Variants in ELAVL2 observed in about 807,000 individuals in gnomAD.
The protein encoded by ELAVL2 is ELAV like RNA binding protein 2, also known as ELAV-like protein 2.
In ELAVL2, 4 loss-of-function variants were observed where a neutral mutation model predicts 34.6. That is an observed-to-expected ratio of 0.12 (90% CI 0.06 to 0.26). ELAVL2 has a LOEUF of 0.26. Among genes scored for constraint, ELAVL2 ranks in the 10% least tolerant of loss-of-function variants. The pLI is 1.00. For synonymous variants in ELAVL2, 193 were observed against 154.8 expected, an observed-to-expected ratio of 1.25 and a Z score of -1.83; for missense variants, 432 against 442.8, an observed-to-expected ratio of 0.98 and a Z score of 0.22.
intron 1 of ELAVL2, among the ~76,000 whole-genome samples, chr9:23,799,168 T>C (rs1213092750): frequency 1.3e-5 from 2 of 152,174 alleles, no homozygotes; most frequent in African/African-American, 4.8e-5. Flanking sequence ...TTAAAATTTT[T>C]TTCCATCTCT....
chr9:23,777,443 T>C (rs1273876720), intron 1 of ELAVL2, among the ~76,000 whole-genome samples: 2 of 152,074 alleles, frequency 1.3e-5, no homozygotes, highest in Admixed American at 6.6e-5. Context: ...ATAAGGGAAA[T>C]AGATGGTTTA....
chr9:23,826,342 C>G (rs1201337203), upstream of ELAVL2: 1 of 152,452 alleles, frequency 6.6e-6, no homozygotes, highest in Admixed American at 6.5e-5. Flanking sequence ...AGGCTCCTAT[C>G]CCGGGCAGCA....
intron 1 of ELAVL2, chr9:23,821,910 T>TCGCGGCGC (rs1350990456): frequency 1.3e-5 from 2 of 150,942 alleles, no homozygotes; most frequent in Admixed American, 6.6e-5. Flanking sequence ...GGCGGCGAGT[T>TCGCGGCGC]CGCGGCGCCG....
In ELAVL2 at chr9:23,692,811, A is replaced by G; in HGVS notation, c.826T>C (p.Trp276Arg). The G allele has an allele frequency of 6.2e-7, 1 of 1,614,124 alleles. No homozygotes were observed. Among genetic ancestry groups the G allele is most frequent in the Non-Finnish European group, 8.5e-7 (1 of 1,179,994 alleles). ...GCCAGGTTGTACACAAATATACACC[A>G]CCCTGTTCCAGGGTGCCCAGGGATA... ...INIPGHPGTGWCIFVYNLAPD... is the reference protein window; with the variant it reads ...INIPGHPGTGRCIFVYNLAPD... The change falls in exon 7 of 7, where the codon TGG becomes CGG. Residue 276 changes from tryptophan (W) to arginine (R), a missense_variant. Coordinates refer to ENST00000397312, the MANE Select transcript of ELAVL2 (RefSeq NM_004432.5).
chr9:23,788,372 A>G (rs1217148167), intron 1 of ELAVL2, among the ~76,000 whole-genome samples: 1 of 152,190 alleles, frequency 6.6e-6, no homozygotes, highest in African/African-American at 2.4e-5. Flanking sequence ...AGTTATTGGA[A>G]TAAATATATG....
chr9:23,742,968 G>A (rs937833553), intron 2 of ELAVL2, among the ~76,000 whole-genome samples: 6 of 152,050 alleles, frequency 3.9e-5, no homozygotes, highest in Non-Finnish European at 8.8e-5. Flanking sequence ...TAAATGCTGA[G>A]TATAAAGGAA....
At chr9:23,754,140 A>AT (rs995424239) in intron 2 of ELAVL2, among the ~76,000 whole-genome samples, 9 of 148,808 alleles carry the variant, frequency 6.0e-5, no homozygotes, top group African/African-American at 1.8e-4. Context: ...AGTGACACAT[A>AT]TTTTTTTTTA....
intron 6 of ELAVL2, 42 bp from the exon 7 acceptor site, chr9:23,692,926 T>A (rs759733367): frequency 6.4e-7 from 1 of 1,573,312 alleles, no homozygotes; most frequent in Admixed American, 1.8e-5. Context: ...ACACAAAAAA[T>A]AAAAACAGAG....
At chr9:23,771,133 G>A (rs191189032) in intron 1 of ELAVL2, among the ~76,000 whole-genome samples, 2 of 152,324 alleles carry the variant, frequency 1.3e-5, no homozygotes, top group East Asian at 3.9e-4. Flanking sequence ...AGAAGCAACT[G>A]CAGCAATTCA....
intron 3 of ELAVL2, among the ~76,000 whole-genome samples, chr9:23,708,168 A>C (rs2039920428): frequency 3.3e-5 from 5 of 152,166 alleles, no homozygotes. Context: ...TTGTCAAAGA[A>C]CCATTTTCCA....
intron 2 of ELAVL2, among the ~76,000 whole-genome samples, chr9:23,742,634 C>G (rs2049518581): frequency 6.6e-6 from 1 of 152,106 alleles, no homozygotes; most frequent in Non-Finnish European, 1.5e-5. Flanking sequence ...GGGAAAATGT[C>G]CACTGTAATT....
intron 3 of ELAVL2, among the ~76,000 whole-genome samples, chr9:23,709,205 C>A (rs1344168899): frequency 1.3e-5 from 2 of 152,156 alleles, no homozygotes; most frequent in African/African-American, 4.8e-5. Flanking sequence ...AAACAGCTTC[C>A]TTTCCCTTCC....
At chr9:23,842,144 G>A in the ELAVL2 span, among the ~76,000 whole-genome samples, 3 of 152,082 alleles carry the variant, frequency 2.0e-5, no homozygotes, top group African/African-American at 2.4e-5. Flanking sequence ...TTTCCAAAAC[G>A]TGGCTCTTTG....
chr9:23,816,078 G>A (rs2063661996), intron 1 of ELAVL2, among the ~76,000 whole-genome samples: 1 of 151,972 alleles, frequency 6.6e-6, no homozygotes, highest in African/African-American at 2.4e-5. Context: ...CTTCCAAAGT[G>A]CAAAATACTA....
At chr9:23,811,080 A>G (rs1043512596) in intron 1 of ELAVL2, among the ~76,000 whole-genome samples, 3 of 152,180 alleles carry the variant, frequency 2.0e-5, no homozygotes, top group Non-Finnish European at 2.9e-5. Context: ...AGGAAAACCA[A>G]AACAGATGTC....
At chr9:23,702,968 A>AAAAAAAAC in intron 4 of ELAVL2, among the ~76,000 whole-genome samples, 1 of 146,970 alleles carries the variant, frequency 6.8e-6, no homozygotes, top group Non-Finnish European at 1.5e-5. Flanking sequence ...AAAAAAAAAA[A>AAAAAAAAC]AAAAAAAAAA....
At chr9:23,697,687 T>C (rs2035739575) in intron 5 of ELAVL2, among the ~76,000 whole-genome samples, 1 of 151,956 alleles carries the variant, frequency 6.6e-6, no homozygotes, top group Admixed American at 6.6e-5. Context: ...AAGCTAGGTG[T>C]TCATAAGTAG....
chr9:23,741,097 C>G (rs1198960833), intron 2 of ELAVL2, among the ~76,000 whole-genome samples: 2 of 151,892 alleles, frequency 1.3e-5, no homozygotes, highest in African/African-American at 2.4e-5. Flanking sequence ...TTAACCAGGA[C>G]CAGCTTGAAA....
At chr9:23,791,765 C>T (rs1310936844) in intron 1 of ELAVL2, among the ~76,000 whole-genome samples, 3 of 152,260 alleles carry the variant, frequency 2.0e-5, no homozygotes, top group Non-Finnish European at 2.9e-5. Context: ...GTGGTCTTGC[C>T]AGAAACCAAC....
Sources: allele counts gnomAD v4.1 joint callset (sites outside exome capture counted in the v4.1 genomes callset), GRCh38; gene constraint gnomAD v4.1.1; transcripts MANE v1.5; gene names NCBI Gene and HGNC (gene_info 2026-07-23, HGNC 2026-07-21).